PTPRD: variants seen among roughly 807,000 people sequenced by gnomAD.
PTPRD encodes protein tyrosine phosphatase receptor type D.
PTPRD carries 34 observed loss-of-function variants against 214.5 expected under a neutral mutation model. The ratio of observed to expected loss-of-function variants is 0.16; its 90% CI spans 0.12 to 0.21. The LOEUF is 0.21. Among genes scored for constraint, PTPRD ranks in the 10% least tolerant of loss-of-function variants. PTPRD has a pLI of 1.00. For synonymous variants in PTPRD, 1,128 were observed against 845.7 expected, an observed-to-expected ratio of 1.33 and a Z score of -5.79; for missense variants, 2,545 against 2,398.7, an observed-to-expected ratio of 1.06 and a Z score of -1.27.
intron 8 of PTPRD, among the ~76,000 whole-genome samples, chr9:9,532,636 T>C (rs2075730708): frequency 6.6e-6 from 1 of 152,134 alleles, no homozygotes; most frequent in Admixed American, 6.6e-5. Flanking sequence ...CTGCTTCCCA[T>C]GACATGGGAG....
intron 3 of PTPRD, among the ~76,000 whole-genome samples, chr9:10,239,270 C>T (rs566443790): frequency 6.8e-4 from 104 of 151,868 alleles, no homozygotes; most frequent in South Asian, 1.5e-3. Context: ...TAGAATTATA[C>T]AATGAATGTG....
At chr9:9,257,300 T>C (rs1232562709) in intron 9 of PTPRD, among the ~76,000 whole-genome samples, 2 of 151,898 alleles carry the variant, frequency 1.3e-5, no homozygotes, top group Admixed American at 6.6e-5. Flanking sequence ...ATAGTATGTA[T>C]TTGTATTTAC....
chr9:10,478,952 A>G (rs2099080021), intron 2 of PTPRD, among the ~76,000 whole-genome samples: 1 of 152,052 alleles, frequency 6.6e-6, no homozygotes, highest in Non-Finnish European at 1.5e-5. Flanking sequence ...ACATAAATCT[A>G]TTTTTAAGAG....
chr9:9,854,350 C>T (rs1033387389), intron 5 of PTPRD, among the ~76,000 whole-genome samples: 3 of 151,998 alleles, frequency 2.0e-5, no homozygotes, highest in Non-Finnish European at 2.9e-5. Flanking sequence ...AGAATTTAAT[C>T]ATAGGTCCTG....
chr9:10,555,949 G>A (rs187939016), intron 2 of PTPRD, among the ~76,000 whole-genome samples: 4 of 152,238 alleles, frequency 2.6e-5, no homozygotes, highest in Admixed American at 2.0e-4. Context: ...ACAGGGAAAT[G>A]TATGCTAGTG....
At chr9:9,864,389 T>G (rs367597989) in intron 5 of PTPRD, among the ~76,000 whole-genome samples, 1 of 151,790 alleles carries the variant, frequency 6.6e-6, no homozygotes, top group African/African-American at 2.4e-5. Flanking sequence ...AAGTTGGGAA[T>G]AGAGGTCTAG....
intron 4 of PTPRD, among the ~76,000 whole-genome samples, chr9:10,010,180 C>T (rs10809004): frequency 0.48 from 73,108 of 151,586 alleles, 21,021 homozygotes; most frequent in Middle Eastern, 0.67. Flanking sequence ...CCATGTTCAC[C>T]CAACTAGAAA....
chr9:8,451,566 G>C (rs192988492), intron 33 of PTPRD, among the ~76,000 whole-genome samples: 103 of 152,260 alleles, frequency 6.8e-4, no homozygotes, highest in African/African-American at 2.5e-3. Flanking sequence ...CTGTGCTATG[G>C]GTCTTCGCCT....
At chr9:8,552,832 T>C (rs921348657) in intron 14 of PTPRD, among the ~76,000 whole-genome samples, 9 of 152,190 alleles carry the variant, frequency 5.9e-5, no homozygotes, top group South Asian at 4.1e-4. Context: ...GTGTCACAAG[T>C]AGATACTTGG....
rs1479316176 is a variant in PTPRD, at chr9:8,713,422, G to A, written c.64+20358C>T. 3 of 1,100,038 alleles carry A rather than the reference G, an allele frequency of 2.7e-6. No individual in the cohort carries two copies. In the African/African-American group the frequency reaches 4.6e-5, roughly 17 times the overall value. The allele number at this position is 1,100,038 out of a possible 1,614,324, so 68.1% of individuals were successfully genotyped here. On this transcript the variant is annotated intron_variant, in intron 12 of 45. Coordinates refer to ENST00000381196, the MANE Select transcript of PTPRD (RefSeq NM_002839.4). ...CATGCGAATCTTTGCACCTAATCGT[G>A]TCGTCGCCAAGTCCCGCTTCTGGTA...
At position 10,363,996 on chromosome 9, in the gene PTPRD, T is replaced by TTTGTTTTTTG. The variant is rs1555222209; in HGVS notation, c.-599-22980_-599-22979insCAAAAAACAA. 7.1e-5 allele frequency among the ~76,000 whole-genome samples: 7 copies of TTTGTTTTTTG among 98,632 alleles called. 1 individual carries two copies. The highest frequency in any genetic ancestry group is 1.4e-4 in the Non-Finnish European group (7 of 49,626). The allele number at this position is 98,632 out of a possible 152,430, so 64.7% of individuals were successfully genotyped here. On this transcript the variant is annotated intron_variant, in intron 2 of 45. Coordinates refer to ENST00000381196, the MANE Select transcript of PTPRD (RefSeq NM_002839.4). ...TATTGCCTCCACATTTTCGGGTTTTTTTTTTTTTTTTTTTTTTTTTTGAGA... is the reference window on the plus strand; with the variant it reads ...TATTGCCTCCACATTTTCGGGTTTTTTTGTTTTTTGTTTTTTTTTTTTTTTTTTTTTGAGA...
rs117646024 is a variant in PTPRD, at chr9:8,562,918, T to C, written c.353-34139A>G. ...TTAGATCTGTGAGTTAATTTTTGTATTTGGTGCAAGGAATGAGTCAAACTT... is the reference window on the plus strand; with the variant it reads ...TTAGATCTGTGAGTTAATTTTTGTACTTGGTGCAAGGAATGAGTCAAACTT... On this transcript the variant is annotated intron_variant, in intron 14 of 45. Coordinates refer to ENST00000381196, the MANE Select transcript of PTPRD (RefSeq NM_002839.4). 1.3e-3 allele frequency among the ~76,000 whole-genome samples: 196 copies of C among 152,170 alleles called. 1 individual carries two copies. The highest frequency in any genetic ancestry group is 3.5e-3 in the South Asian group (17 of 4,816).
At chr9:10,466,954 C>G (rs1414398242) in intron 2 of PTPRD, among the ~76,000 whole-genome samples, 1 of 152,130 alleles carries the variant, frequency 6.6e-6, no homozygotes, top group African/African-American at 2.4e-5. Flanking sequence ...CCAGAGGATG[C>G]ACTCTTTTCT....
intron 3 of PTPRD, among the ~76,000 whole-genome samples, chr9:10,269,054 C>G (rs1595786706): frequency 6.6e-6 from 1 of 152,152 alleles, no homozygotes; most frequent in Non-Finnish European, 1.5e-5. Context: ...CTGAGAACCA[C>G]TGCTTTAAGA....
intron 5 of PTPRD, among the ~76,000 whole-genome samples, chr9:9,790,557 T>C (rs1424218914): frequency 6.6e-6 from 1 of 152,214 alleles, no homozygotes; most frequent in Non-Finnish European, 1.5e-5. Flanking sequence ...ATCTCATTTA[T>C]AGATATTTTC....
intron 7 of PTPRD, among the ~76,000 whole-genome samples, chr9:9,631,344 A>G (rs1472809598): frequency 6.6e-6 from 1 of 152,150 alleles, no homozygotes; most frequent in East Asian, 1.9e-4. Flanking sequence ...CAGCTGAAGG[A>G]ACGATTACAT....
intron 11 of PTPRD, among the ~76,000 whole-genome samples, chr9:8,805,946 G>C (rs1373571350): frequency 9.4e-5 from 13 of 138,548 alleles, no homozygotes; most frequent in Admixed American, 8.9e-4. Context: ...AGTGAGCCGA[G>C]ATTATGCCAC....
intron 2 of PTPRD, among the ~76,000 whole-genome samples, chr9:10,417,957 T>C (rs899850973): frequency 9.2e-5 from 14 of 151,806 alleles, no homozygotes; most frequent in Middle Eastern, 3.4e-3. Context: ...TGTGAATATA[T>C]CATTTTACTT....
chr9:10,045,665 T>C (rs1324641816), intron 3 of PTPRD, among the ~76,000 whole-genome samples: 2 of 151,806 alleles, frequency 1.3e-5, no homozygotes, highest in East Asian at 1.9e-4. Context: ...CACAAAACCA[T>C]ACTGTATGAT....
Sources: gnomAD v4.1 joint callset for allele counts (sites outside exome capture counted in the v4.1 genomes callset) on GRCh38, gnomAD v4.1.1 for gene constraint, MANE v1.5 for transcripts, NCBI Gene and HGNC (gene_info 2026-07-23, HGNC 2026-07-21) for gene names.